The following TMEM235 variants were observed in gnomAD, a reference collection of about 807,000 sequenced individuals.
The protein encoded by TMEM235 is claudin-27.
Under a neutral mutation model 22.9 loss-of-function variants are expected in TMEM235, and 23 were observed. The ratio of observed to expected loss-of-function variants is 1.00; its 90% CI spans 0.72 to 1.42. The LOEUF (loss-of-function observed/expected upper bound fraction) is 1.42. Among genes scored for constraint, TMEM235 ranks in the 40% most tolerant of loss-of-function variants. The probability of loss-of-function intolerance (pLI) is 0.00; values close to 1 mark genes in which losing one functional copy is unlikely to be tolerated. For missense variants in TMEM235, 308 were observed against 299.5 expected, an observed-to-expected ratio of 1.03 and a Z score of -0.21; for synonymous variants, 137 against 140.5, an observed-to-expected ratio of 0.98 and a Z score of 0.17.
At chr17:78,232,357 C>A (rs2076592445) in intron 2 of TMEM235, 144 bp downstream of exon 1, 1 of 784,378 alleles carries the variant, frequency 1.3e-6, no homozygotes, top group Non-Finnish European at 1.8e-6. Context: ...GGTGTCTCTC[C>A]GCTCCCTCCC....
At chr17:78,234,861 G>A in intron 4 of TMEM235, 131 bp downstream of exon 3, 1 of 1,227,952 alleles carries the variant, frequency 8.1e-7, no homozygotes, top group East Asian at 2.6e-5. Context: ...TCTGGCGATG[G>A]AGCCGTGGCA....
At position 78,234,602 on chromosome 17, in the gene TMEM235, G is replaced by A. The variant is rs902763084; in HGVS notation, c.281G>A (p.Arg94His). Residue 94 changes from arginine (R) to histidine (H), a missense_variant, in exon 4 of 6, where the codon CGT becomes CAT. Transcript: ENST00000421688. ...GCCCCCTTTCCTGCAGTGCTGCACC[G>A]TGCAGTCATTGTGGTCCTGCCCCTG... 3.4e-5 allele frequency: 52 copies of A among 1,536,220 alleles called. No homozygotes were observed. The highest frequency in any genetic ancestry group is 7.8e-5 in the Admixed American group (4 of 51,006).
Position 78,239,067 on chromosome 17 carries a change from G to T in TMEM235, c.453G>T (p.Ser151=), listed in dbSNP as rs375022647. 2.5e-5 allele frequency: 39 copies of T among 1,544,128 alleles called. No homozygotes were observed. In the African/African-American group the frequency reaches 4.5e-4, roughly 18 times the overall value. ...GGGTCAGCATCTACATCAGCTACTC[G>T]CACCTGGCCTTTGCGGAGACGGTGC... The change falls in exon 5 of 6, where the codon TCG becomes TCT. Residue 151 remains serine (S), a synonymous_variant. Coordinates refer to ENST00000421688, the Ensembl canonical transcript of TMEM235.
At chr17:78,233,620 G>A (rs1176189349) in intron 2 of TMEM235, among the ~76,000 whole-genome samples, 1 of 151,960 alleles carries the variant, frequency 6.6e-6, no homozygotes, top group Non-Finnish European at 1.5e-5. Flanking sequence ...GCGCGAAACC[G>A]GGAGGCGGAG....
In TMEM235 at chr17:78,232,171, G is replaced by T; in HGVS notation, c.148G>T (p.Glu50Ter). ...TGGCAGCGCCTGGCCCGGGCGCGCAGAGCTGCTCTCCTCGCACTCGGGGCT... is the reference window on the plus strand; with the variant it reads ...TGGCAGCGCCTGGCCCGGGCGCGCATAGCTGCTCTCCTCGCACTCGGGGCT... Residue 50 changes from glutamate (E) to a stop codon, truncating the protein, a stop_gained, in exon 2 of 6, where the codon GAG (glutamate) becomes TAG (stop). Coordinates refer to ENST00000421688, the Ensembl canonical transcript of TMEM235. LOFTEE classifies it high-confidence loss of function. 6.7e-7 allele frequency: 1 copy of T among 1,493,536 alleles called. No individual in the cohort carries two copies. The allele number at this position is 1,493,536 out of a possible 1,614,324, so 92.5% of individuals were successfully genotyped here. A position where few individuals can be genotyped will look rare whatever the true frequency, so the allele number is the denominator to read the frequency against.
chr17:78,238,090 A>G lies in TMEM235; in HGVS notation c.410-934A>G, dbSNP rs778784340. Among the ~76,000 whole-genome samples the G allele has an allele frequency of 1.3e-5, 2 of 152,202 alleles. No homozygotes were observed. Among genetic ancestry groups the G allele is most frequent in the African/African-American group, 4.8e-5 (2 of 41,462 alleles). ...TGCCCCCCTGGCTAACATTCCCTAC[A>G]GTCGGCGCCAAGGACAGGCTTTCTC... On this transcript the variant is annotated intron_variant, in intron 4 of 5. Coordinates refer to ENST00000421688, the Ensembl canonical transcript of TMEM235. This position sits in a 1 kb window ranked among gnomAD's most constrained non-coding sequence, Gnocchi z 4.3.
chr17:78,240,790 G>A (rs1424104712), exon 6 of TMEM235: 1 of 152,248 alleles, frequency 6.6e-6, no homozygotes, highest in African/African-American at 2.4e-5. Context: ...GGACAAATCT[G>A]GGGGGTGAGC....
chr17:78,235,213 C>T (rs998246156), intron 4 of TMEM235, among the ~76,000 whole-genome samples: 3 of 152,040 alleles, frequency 2.0e-5, no homozygotes, highest in East Asian at 1.9e-4. Context: ...ATGACAATCA[C>T]AGGCGGAAGG....
At chr17:78,233,914 G>C (rs1434945620) in exon 3 of TMEM235, 7 of 1,535,920 alleles carry the variant, frequency 4.6e-6, no homozygotes, top group Non-Finnish European at 6.1e-6. Flanking sequence ...GCTGCATCCC[G>C]CTGGTCGACC....
At chr17:78,231,431 G>GC (rs900975140) in the TMEM235 span, 18 of 1,292,720 alleles carry the variant, frequency 1.4e-5, no homozygotes, top group Admixed American at 2.4e-5. Context: ...TCCTTCCGCA[G>GC]CCCCCCGCCC....
chr17:78,232,266 AC>A, intron 2 of TMEM235, 53 bp downstream of exon 1: 2 of 1,374,268 alleles, frequency 1.5e-6, no homozygotes, highest in Non-Finnish European at 1.9e-6. Context: ...TCCCTCCGAC[AC>A]CCCCTTAACC....
At chr17:78,232,146 T>C (rs952871605) in exon 2 of TMEM235, 2 of 1,487,406 alleles carry the variant, frequency 1.3e-6, no homozygotes, top group African/African-American at 2.9e-5. Flanking sequence ...ACGCCGGCAA[T>C]GGCAGCGCCT....
At chr17:78,231,929 C>T in exon 2 of TMEM235, 1 of 993,086 alleles carries the variant, frequency 1.0e-6, no homozygotes, top group Non-Finnish European at 1.2e-6. Context: ...GCCGCGCCCG[C>T]CCGCCCCCCG....
intron 4 of TMEM235, among the ~76,000 whole-genome samples, chr17:78,235,449 A>T (rs948723019): frequency 6.6e-6 from 1 of 151,096 alleles, no homozygotes; most frequent in Non-Finnish European, 1.5e-5. Flanking sequence ...CACCACACCC[A>T]GCTAATTTTG....
intron 3 of TMEM235, chr17:78,234,387 G>A (rs2145917651): frequency 1.3e-6 from 1 of 781,830 alleles, no homozygotes; most frequent in African/African-American, 1.7e-5. Context: ...GGGGCTGGGA[G>A]TGTTCTGGGG....
intron 2 of TMEM235, among the ~76,000 whole-genome samples, chr17:78,232,607 T>C (rs2145913154): frequency 6.6e-6 from 1 of 152,318 alleles, no homozygotes; most frequent in East Asian, 1.9e-4. Flanking sequence ...CTGTCAGAGC[T>C]GTTCACCCCA....
chr17:78,239,641 TAGTG>T, intron 5 of TMEM235, 135 bp from the exon 5 acceptor site: 1 of 1,423,300 alleles, frequency 7.0e-7, no homozygotes, highest in East Asian at 2.5e-5. Flanking sequence ...CCCAGCAGGC[TAGTG>T]AGTCACTGCT....
In TMEM235 at chr17:78,239,768, T is replaced by C. The variant is rs760015218; in HGVS notation, c.660-12T>C. 6.5e-7 allele frequency: 1 copy of C among 1,537,588 alleles called. No individual in the cohort carries two copies. The highest frequency in any genetic ancestry group is 8.8e-7 in the Non-Finnish European group (1 of 1,135,510). ...GGCCCTACTCAATGACTACCCTTTATCCATTTTACAGAGGGGGAGACTGAG... is the reference window on the plus strand; with the variant it reads ...GGCCCTACTCAATGACTACCCTTTACCCATTTTACAGAGGGGGAGACTGAG... On this transcript the variant is annotated splice_polypyrimidine_tract_variant and intron_variant, in intron 5 of 5. Transcript: ENST00000421688.
chr17:78,239,206 G>A, exon 5 of TMEM235: 1 of 1,543,372 alleles, frequency 6.5e-7, no homozygotes. Flanking sequence ...CCTGCTCTCA[G>A]CTGCCTGGAC....
Sources: gnomAD v4.1 joint callset for allele counts (sites outside exome capture counted in the v4.1 genomes callset) on GRCh38, gnomAD v4.1.1 for gene constraint, Gnocchi (gnomAD v3.1) non-coding constraint, MANE v1.5 for transcripts, NCBI Gene and HGNC (gene_info 2026-07-23, HGNC 2026-07-21) for gene names.